PTPRD: variants seen among roughly 807,000 people sequenced by gnomAD.
PTPRD encodes the protein protein tyrosine phosphatase receptor type D.
PTPRD carries 34 observed loss-of-function variants against 214.5 expected under a neutral mutation model. That is an observed-to-expected ratio of 0.16 (90% CI 0.12 to 0.21). The LOEUF is 0.21. Among genes scored for constraint, PTPRD ranks in the 10% least tolerant of loss-of-function variants. The pLI, the probability that PTPRD is intolerant of heterozygous loss-of-function variation, is 1.00. For synonymous variants in PTPRD, 1,128 were observed against 845.7 expected (o/e 1.33, Z -5.79); for missense variants, 2,545 against 2,398.7 (o/e 1.06, Z -1.27).
At chr9:9,142,346 G>A (rs979123394) in intron 10 of PTPRD, among the ~76,000 whole-genome samples, 5 of 152,184 alleles carry the variant, frequency 3.3e-5, no homozygotes, top group Admixed American at 6.5e-5. Flanking sequence ...GTGAGTTATA[G>A]TCTCCCTAGC....
chr9:10,411,528 G>C (rs2098436063), intron 2 of PTPRD, among the ~76,000 whole-genome samples: 1 of 151,762 alleles, frequency 6.6e-6, no homozygotes, highest in South Asian at 2.1e-4. Context: ...TTGGAAACCT[G>C]TGTCTTAAAC....
chr9:8,728,401 T>C (rs988116758), intron 12 of PTPRD, among the ~76,000 whole-genome samples: 1 of 152,210 alleles, frequency 6.6e-6, no homozygotes, highest in African/African-American at 2.4e-5. Context: ...TCTTGCTATG[T>C]TGTCCAGGCT....
chr9:8,638,537 G>C (rs938527617), intron 12 of PTPRD, among the ~76,000 whole-genome samples: 5 of 152,072 alleles, frequency 3.3e-5, no homozygotes, highest in Non-Finnish European at 5.9e-5. Context: ...AAATTAATTT[G>C]CAGAAATTGC....
chr9:8,606,428 G>A (rs2095217528), intron 14 of PTPRD, among the ~76,000 whole-genome samples: 1 of 152,184 alleles, frequency 6.6e-6, no homozygotes, highest in South Asian at 2.1e-4. Context: ...CCTAACAAAT[G>A]AAGAGACATG....
intron 11 of PTPRD, among the ~76,000 whole-genome samples, chr9:8,933,716 C>A (rs1427222155): frequency 6.6e-6 from 1 of 152,068 alleles, no homozygotes; most frequent in African/African-American, 2.4e-5. Flanking sequence ...TCAGCCAAGT[C>A]TATTTTGGGG....
chr9:8,792,357 T>C (rs2096264743), intron 11 of PTPRD, among the ~76,000 whole-genome samples: 1 of 152,210 alleles, frequency 6.6e-6, no homozygotes, highest in Non-Finnish European at 1.5e-5. Flanking sequence ...TTAAAAATGA[T>C]AATAAATGCA....
At chr9:8,885,232 C>T (rs562502130) in intron 11 of PTPRD, among the ~76,000 whole-genome samples, 103 of 152,152 alleles carry the variant, frequency 6.8e-4, no homozygotes, top group African/African-American at 2.4e-3. Context: ...TAAAACTCTG[C>T]GAGGAAGTTA....
chr9:8,377,092 C>A (rs2083471764), intron 37 of PTPRD, among the ~76,000 whole-genome samples: 1 of 152,062 alleles, frequency 6.6e-6, no homozygotes, highest in Admixed American at 6.6e-5. Context: ...GACACTTTGT[C>A]ATTTAAACTA....
At chr9:10,543,116 C>T (rs2059480186) in intron 2 of PTPRD, among the ~76,000 whole-genome samples, 1 of 151,908 alleles carries the variant, frequency 6.6e-6, no homozygotes, top group Non-Finnish European at 1.5e-5. Context: ...AACTCCCGAC[C>T]TCAGGTGATC....
chr9:8,719,043 C>T (rs1190699341), intron 12 of PTPRD, among the ~76,000 whole-genome samples: 2 of 152,088 alleles, frequency 1.3e-5, no homozygotes, highest in African/African-American at 2.4e-5. Context: ...TCTCAGGCTT[C>T]GAGACCCATG....
rs1010624410 is a variant in PTPRD at position 8,641,077 on chromosome 9, T to A, written c.65-4233A>T. ...ACATCACCCACTTCCCTTCTCCATATCTCAGTTTAATAAAAGGAACATGAT... is the reference window on the plus strand; with the variant it reads ...ACATCACCCACTTCCCTTCTCCATAACTCAGTTTAATAAAAGGAACATGAT... On this transcript the variant is annotated intron_variant, in intron 12 of 45. Transcript: ENST00000381196. Among the ~76,000 whole-genome samples the A allele has an allele frequency of 4.7e-5, 7 of 148,436 alleles. 1 individual carries two copies. The highest frequency in any genetic ancestry group is 1.6e-4 in the African/African-American group (6 of 37,858).
chr9:8,931,269 T>C (rs1257808795), intron 11 of PTPRD, among the ~76,000 whole-genome samples: 5 of 152,128 alleles, frequency 3.3e-5, no homozygotes, highest in South Asian at 4.2e-4. Context: ...ATCAGATAGT[T>C]GTAGATGTGT....
At chr9:8,875,050 A>G (rs1182137487) in intron 11 of PTPRD, among the ~76,000 whole-genome samples, 1 of 152,196 alleles carries the variant, frequency 6.6e-6, no homozygotes, top group South Asian at 2.1e-4. Context: ...ACAACCATAC[A>G]TGGATGCATT....
chr9:9,846,255 A>G (rs750025699), intron 5 of PTPRD, among the ~76,000 whole-genome samples: 18 of 152,206 alleles, frequency 1.2e-4, no homozygotes, highest in Middle Eastern at 6.8e-3. Flanking sequence ...GCAGCAAGGG[A>G]TATTTCACAA....
chr9:8,680,362 C>G (rs1219639917), intron 12 of PTPRD, among the ~76,000 whole-genome samples: 2 of 152,114 alleles, frequency 1.3e-5, no homozygotes, highest in African/African-American at 4.8e-5. Context: ...TACATCTCTT[C>G]CAAGAATAAA....
chr9:10,144,038 C>G (rs766069936), intron 3 of PTPRD, among the ~76,000 whole-genome samples: 23 of 151,998 alleles, frequency 1.5e-4, no homozygotes, highest in Admixed American at 3.9e-4. Context: ...TGTGATTGTA[C>G]ACTCTGATTC....
chr9:9,030,046 C>T (rs1204218434), intron 10 of PTPRD, among the ~76,000 whole-genome samples: 1 of 151,536 alleles, frequency 6.6e-6, no homozygotes, highest in African/African-American at 2.4e-5. Flanking sequence ...ATTGATCAGT[C>T]AAGAAAATGG....
intron 11 of PTPRD, among the ~76,000 whole-genome samples, chr9:8,891,102 C>A (rs2098535383): frequency 6.6e-6 from 1 of 151,122 alleles, no homozygotes; most frequent in South Asian, 2.1e-4. Flanking sequence ...GATACATACA[C>A]CTCTCTCAGA....
chr9:10,502,078 T>C (rs1480926570), intron 2 of PTPRD, among the ~76,000 whole-genome samples: 3 of 151,864 alleles, frequency 2.0e-5, no homozygotes, highest in Non-Finnish European at 4.4e-5. Flanking sequence ...TAGTGTGCTA[T>C]TGTGAAAGAG....
Sources: gnomAD v4.1 joint callset for allele counts (sites outside exome capture counted in the v4.1 genomes callset) on GRCh38, gnomAD v4.1.1 for gene constraint, MANE v1.5 for transcripts, NCBI Gene and HGNC (gene_info 2026-07-23, HGNC 2026-07-21) for gene names.